DMD: variants seen among roughly 807,000 people sequenced by gnomAD.
DMD encodes dystrophin, also known as mutant dystrophin.
DMD carries 63 observed loss-of-function variants against 330.1 expected under a neutral mutation model. The observed-to-expected ratio is 0.19, with a 90% confidence interval of 0.16 to 0.24. DMD has a LOEUF of 0.24. DMD is among the 10% of genes least tolerant of loss of function. The probability of loss-of-function intolerance (pLI) is 1.00; values close to 1 mark genes in which losing one functional copy is unlikely to be tolerated. For missense variants in DMD, 3,344 were observed against 2,684.1 expected (o/e 1.25, Z -5.43); for synonymous variants, 1,223 against 959.8 (o/e 1.27, Z -5.07).
chrX:32,711,850 C>G (rs2065221848), intron 7 of DMD, among the ~76,000 whole-genome samples: 1 of 111,851 alleles, frequency 8.9e-6, no homozygotes, highest in African/African-American at 3.2e-5. Flanking sequence ...ACTGTCTATG[C>G]ATGTACTTTC....
At chrX:31,968,566 T>C (rs1465075113) in intron 44 of DMD, 52 bp from the exon 45 acceptor site, 1 of 1,137,203 alleles carries the variant, frequency 8.8e-7, no homozygotes, top group East Asian at 3.0e-5. Flanking sequence ...GTCTTTTTAT[T>C]TGAGAAAAGA....
Position 32,411,101 on chromosome X carries a change from G to C in DMD, c.4233+651C>G, listed in dbSNP as rs189086945. On this transcript the variant is annotated intron_variant, in intron 30 of 78. Transcript: ENST00000357033. ...GAGGAGTTTATAATAAAATGTTTGA[G>C]ACTGCTTTCCAACAATGCCATAGAA... 8.0e-4 allele frequency among the ~76,000 whole-genome samples: 89 copies of C among 111,439 alleles called. 3 individuals carry two copies. In the East Asian group the frequency reaches 0.023, roughly 29 times the overall value.
chrX:32,783,166 G>A (rs1260535691), intron 7 of DMD, among the ~76,000 whole-genome samples: 7 of 90,660 alleles, frequency 7.7e-5, no homozygotes, highest in Admixed American at 2.4e-4. Context: ...ATAGATATAT[G>A]GCATATACAC....
intron 1 of DMD, among the ~76,000 whole-genome samples, chrX:33,241,902 C>G (rs1041546421): frequency 9.1e-6 from 1 of 110,318 alleles, no homozygotes; most frequent in Non-Finnish European, 1.9e-5. Flanking sequence ...GCTGGGATTA[C>G]AGGTGTGTGC....
At chrX:31,235,211 A>G (rs1222827696) in intron 63 of DMD, among the ~76,000 whole-genome samples, 2 of 111,966 alleles carry the variant, frequency 1.8e-5, no homozygotes, top group Non-Finnish European at 3.8e-5. Context: ...AGAAACATAT[A>G]ATGAAAATAG....
intron 17 of DMD, among the ~76,000 whole-genome samples, chrX:32,523,003 G>A: frequency 9.0e-6 from 1 of 111,606 alleles, no homozygotes; most frequent in Admixed American, 9.5e-5. Context: ...AAGAAAGATT[G>A]CTCACTTCTA....
chrX:32,486,030 C>T (rs761574662), intron 20 of DMD, among the ~76,000 whole-genome samples: 46 of 109,964 alleles, frequency 4.2e-4, no homozygotes, highest in Admixed American at 2.1e-3. Flanking sequence ...TGTGAGCCAC[C>T]GCGCCCAGCC....
chrX:31,326,064 C>T (rs1251242000), intron 61 of DMD, among the ~76,000 whole-genome samples: 2 of 109,700 alleles, frequency 1.8e-5, no homozygotes, highest in Admixed American at 9.7e-5. Flanking sequence ...TATTCTTAGG[C>T]GTCTCTCAGA....
intron 7 of DMD, among the ~76,000 whole-genome samples, chrX:32,782,848 T>A (rs1291447512): frequency 9.3e-6 from 1 of 107,580 alleles, no homozygotes; most frequent in Non-Finnish European, 1.9e-5. Flanking sequence ...TATCAAAACA[T>A]CTCACGTACC....
At chrX:31,582,321 T>C (rs1385361567) in intron 55 of DMD, among the ~76,000 whole-genome samples, 1 of 111,367 alleles carries the variant, frequency 9.0e-6, no homozygotes, top group Non-Finnish European at 1.9e-5. Context: ...GTAAGGTGGA[T>C]AATATCCAGG....
intron 56 of DMD, among the ~76,000 whole-genome samples, chrX:31,499,489 C>CTTTTTTTTTTTTTTTTTTTTT (rs774151183): frequency 2.4e-5 from 2 of 83,691 alleles, no homozygotes; most frequent in African/African-American, 9.1e-5. Context: ...GAATTCAGTT[C>CTTTTTTTTTTTTTTTTTTTTT]TTTTTTTTTT....
chrX:33,335,136 G>T (rs2054232395), intron 1 of DMD, among the ~76,000 whole-genome samples: 1 of 110,033 alleles, frequency 9.1e-6, no homozygotes, highest in South Asian at 3.8e-4. Flanking sequence ...GTTATAGTTT[G>T]TAGGACCTTT....
At chrX:32,948,907 A>G (rs996970289) in intron 2 of DMD, among the ~76,000 whole-genome samples, 1 of 111,843 alleles carries the variant, frequency 8.9e-6, no homozygotes, top group African/African-American at 3.2e-5. Context: ...GATTGTCTCA[A>G]TTTTAGAGAC....
chrX:33,142,179 A>C (rs1369801205), intron 1 of DMD, among the ~76,000 whole-genome samples: 2 of 112,189 alleles, frequency 1.8e-5, no homozygotes, highest in South Asian at 3.7e-4. Flanking sequence ...TCCGCCTCCC[A>C]GCTTCAAGCA....
At chrX:32,250,405 C>A (rs2097258959) in intron 43 of DMD, among the ~76,000 whole-genome samples, 1 of 111,807 alleles carries the variant, frequency 8.9e-6, no homozygotes, top group African/African-American at 3.2e-5. Flanking sequence ...TGGCAAATGT[C>A]TTCTTCCCTT....
intron 1 of DMD, among the ~76,000 whole-genome samples, chrX:33,175,867 G>A (rs1476580637): frequency 8.9e-6 from 1 of 111,844 alleles, no homozygotes; most frequent in African/African-American, 3.3e-5. Context: ...TGTATATCAT[G>A]TTCCAGACCT....
intron 43 of DMD, among the ~76,000 whole-genome samples, chrX:32,284,614 C>G (rs1158122948): frequency 2.7e-5 from 3 of 111,807 alleles, no homozygotes; most frequent in Admixed American, 9.5e-5. Context: ...TCATAACAAC[C>G]CTGTGACATA....
At chrX:32,349,529 A>C (rs1398168047) in intron 37 of DMD, among the ~76,000 whole-genome samples, 1 of 111,604 alleles carries the variant, frequency 9.0e-6, no homozygotes, top group African/African-American at 3.2e-5. Context: ...ACATTCATCA[A>C]GTTTGGTCCC....
chrX:32,850,059 T>TA (rs1365602086), intron 2 of DMD, among the ~76,000 whole-genome samples: 1 of 111,955 alleles, frequency 8.9e-6, no homozygotes, highest in Non-Finnish European at 1.9e-5. Flanking sequence ...ATTTATACCC[T>TA]AAATGATCTA....
Sources: gnomAD v4.1 joint callset for allele counts (sites outside exome capture counted in the v4.1 genomes callset) on GRCh38, gnomAD v4.1.1 for gene constraint, MANE v1.5 for transcripts, NCBI Gene and HGNC (gene_info 2026-07-23, HGNC 2026-07-21) for gene names.